The following SPON1 variants were observed in gnomAD, a reference collection of about 807,000 sequenced individuals.
SPON1 encodes spondin 1, also known as spondin-1.
SPON1 carries 52 observed loss-of-function variants against 111.7 expected under a neutral mutation model. The observed-to-expected ratio is 0.47, with a 90% CI of 0.37 to 0.59. The LOEUF is 0.59. Among genes scored for constraint, SPON1 ranks in the 20% least tolerant of loss-of-function variants. The pLI is 0.00. For synonymous variants in SPON1, 410 were observed against 395.8 expected (o/e 1.04, Z -0.43); for missense variants, 957 against 1,068.5 (o/e 0.90, Z 1.46).
At chr11:14,041,806 C>A (rs1249709593) in intron 3 of SPON1, among the ~76,000 whole-genome samples, 152 bp downstream of exon 3, 1 of 152,094 alleles carries the variant, frequency 6.6e-6, no homozygotes, top group African/African-American at 2.4e-5. Context: ...CATAGACTAT[C>A]ATTGGTGAAG....
intron 2 of SPON1, among the ~76,000 whole-genome samples, chr11:14,027,415 G>A (rs1848526857): frequency 6.6e-6 from 1 of 152,202 alleles, no homozygotes; most frequent in African/African-American, 2.4e-5. Flanking sequence ...ATTCCTCTGA[G>A]CTTCAGTTGC....
intron 6 of SPON1, among the ~76,000 whole-genome samples, chr11:14,160,141 A>G (rs986624179): frequency 6.6e-6 from 1 of 151,490 alleles, no homozygotes; most frequent in Non-Finnish European, 1.5e-5. Flanking sequence ...GACCCAAATC[A>G]TCTCATGTAC....
chr11:14,231,732 A>G (rs1444769701), intron 6 of SPON1, among the ~76,000 whole-genome samples: 3 of 152,194 alleles, frequency 2.0e-5, no homozygotes, highest in African/African-American at 7.2e-5. Flanking sequence ...TTAACATTTA[A>G]TATATCTTAC....
chr11:14,142,316 C>T (rs1329337970), intron 6 of SPON1, among the ~76,000 whole-genome samples: 3 of 152,106 alleles, frequency 2.0e-5, no homozygotes, highest in Non-Finnish European at 4.4e-5. Flanking sequence ...TGTTCAAGTT[C>T]GTGTCATTTC....
At chr11:14,106,074 G>A (rs1478355429) in intron 5 of SPON1, among the ~76,000 whole-genome samples, 1 of 152,016 alleles carries the variant, frequency 6.6e-6, no homozygotes, top group African/African-American at 2.4e-5. Context: ...GATTTGAGAG[G>A]GAAGACTGGA....
At chr11:14,260,789 T>C (rs1554941845) in intron 14 of SPON1, 37 bp downstream of exon 14, 14 of 1,596,040 alleles carry the variant, frequency 8.8e-6, no homozygotes, top group Admixed American at 3.4e-5. Context: ...ATCACTTCTA[T>C]GTTCCTGAGT....
At chr11:14,140,452 TG>T (rs1554928643) in intron 6 of SPON1, among the ~76,000 whole-genome samples, 1 of 152,240 alleles carries the variant, frequency 6.6e-6, no homozygotes, top group Non-Finnish European at 1.5e-5. Flanking sequence ...TGGAGTGCAG[TG>T]GTGCAATCTT....
chr11:13,967,671 G>GT (rs1848029048), intron 1 of SPON1, among the ~76,000 whole-genome samples: 1 of 152,124 alleles, frequency 6.6e-6, no homozygotes, highest in South Asian at 2.1e-4. Flanking sequence ...ACAAGATGAG[G>GT]TCTTTTAAAT....
At chr11:14,079,376 CT>C (rs1250786988) in intron 4 of SPON1, among the ~76,000 whole-genome samples, 1 of 152,100 alleles carries the variant, frequency 6.6e-6, no homozygotes, top group African/African-American at 2.4e-5. Flanking sequence ...ATGCATGCCT[CT>C]TTTTTTTCTC....
intron 2 of SPON1, among the ~76,000 whole-genome samples, chr11:13,987,856 G>T (rs781812860): frequency 2.6e-5 from 4 of 152,146 alleles, no homozygotes; most frequent in Non-Finnish European, 4.4e-5. Flanking sequence ...AAGATCAGAT[G>T]GTTGTAGTTG....
chr11:14,090,697 C>T (rs570322285), intron 5 of SPON1, among the ~76,000 whole-genome samples: 71 of 151,998 alleles, frequency 4.7e-4, no homozygotes, highest in South Asian at 1.9e-3. Context: ...ATAAAAGCAG[C>T]GTGGACCCAA....
chr11:13,970,461 G>T (rs1354456931), intron 1 of SPON1, among the ~76,000 whole-genome samples: 6 of 152,160 alleles, frequency 3.9e-5, no homozygotes, highest in African/African-American at 1.2e-4. Flanking sequence ...TCATGGACTG[G>T]GTGAGAGAAA....
At chr11:14,021,371 A>G (rs1848480431) in intron 2 of SPON1, among the ~76,000 whole-genome samples, 1 of 152,168 alleles carries the variant, frequency 6.6e-6, no homozygotes, top group Admixed American at 6.5e-5. Flanking sequence ...TTCTGCACCA[A>G]CAAGTCCCCG....
intron 5 of SPON1, among the ~76,000 whole-genome samples, chr11:14,083,694 A>G (rs1233444209): frequency 6.6e-6 from 1 of 152,148 alleles, no homozygotes; most frequent in Non-Finnish European, 1.5e-5. Context: ...TACCAATCTC[A>G]TCAGAAAAGT....
chr11:14,137,519 A>G (rs981426304), intron 6 of SPON1, among the ~76,000 whole-genome samples: 1 of 152,088 alleles, frequency 6.6e-6, no homozygotes, highest in Non-Finnish European at 1.5e-5. Context: ...CCTCACATCT[A>G]GGCTGAGGAT....
chr11:14,162,565 AACTTTTCCCAATCTTTT>A (rs1197577808), intron 6 of SPON1, among the ~76,000 whole-genome samples: 11 of 152,216 alleles, frequency 7.2e-5, no homozygotes, highest in African/African-American at 2.7e-4. Flanking sequence ...TGAGTTTTAC[AACTTTTCCCAATCTTTT>A]ACAGATATCT....
At chr11:13,986,222 T>C (rs1272598767) in intron 2 of SPON1, among the ~76,000 whole-genome samples, 1 of 152,102 alleles carries the variant, frequency 6.6e-6, no homozygotes. Flanking sequence ...CATTGAAACA[T>C]AAGCCAACAA....
intron 7 of SPON1, among the ~76,000 whole-genome samples, chr11:14,247,056 T>C (rs1343200062): frequency 6.6e-6 from 1 of 152,144 alleles, no homozygotes; most frequent in Non-Finnish European, 1.5e-5. Flanking sequence ...AAGATGAGTT[T>C]GGTGTGGGGC....
chr11:14,091,337 GC>G (rs1849054423), intron 5 of SPON1, among the ~76,000 whole-genome samples: 1 of 152,230 alleles, frequency 6.6e-6, no homozygotes, highest in Non-Finnish European at 1.5e-5. Flanking sequence ...GCATTCCTCA[GC>G]CCTTGGGTGG....
Sources: allele counts gnomAD v4.1 joint callset (sites outside exome capture counted in the v4.1 genomes callset), GRCh38; gene constraint gnomAD v4.1.1; transcripts MANE v1.5; gene names NCBI Gene and HGNC (gene_info 2026-07-23, HGNC 2026-07-21).